Variants in FNDC3B observed in about 807,000 individuals in gnomAD.
FNDC3B encodes the protein fibronectin type III domain containing 3B, also known as fibronectin type III domain-containing protein 3B.
In FNDC3B, 12 loss-of-function variants were observed where a neutral mutation model predicts 151.5. The observed-to-expected ratio is 0.08, with a 90% CI of 0.05 to 0.13. FNDC3B has a LOEUF of 0.13. Among genes scored for constraint, FNDC3B ranks in the 10% least tolerant of loss-of-function variants. The pLI is 1.00. For missense variants in FNDC3B, 1,214 were observed against 1,505.3 expected, an observed-to-expected ratio of 0.81 and a Z score of 3.20; for synonymous variants, 528 against 549.0, an observed-to-expected ratio of 0.96 and a Z score of 0.54.
intron 1 of FNDC3B, among the ~76,000 whole-genome samples, chr3:172,049,843 T>A (rs1716555640): frequency 6.6e-6 from 1 of 152,208 alleles, no homozygotes; most frequent in African/African-American, 2.4e-5. Context: ...TTAAACATTT[T>A]ATTCATTCTT....
intron 22 of FNDC3B, among the ~76,000 whole-genome samples, chr3:172,353,925 T>C (rs1733971606): frequency 1.3e-5 from 2 of 150,020 alleles, no homozygotes; most frequent in South Asian, 4.2e-4. Context: ...AGATGGAAAT[T>C]GAATAGCTTT....
chr3:172,387,381 A>T (rs1460004387), intron 25 of FNDC3B, among the ~76,000 whole-genome samples: 2 of 151,606 alleles, frequency 1.3e-5, no homozygotes, highest in African/African-American at 4.9e-5. Flanking sequence ...TATAGGCGTG[A>T]GCCACCATGC....
intron 11 of FNDC3B, among the ~76,000 whole-genome samples, chr3:172,323,069 A>T (rs1277965164): frequency 6.6e-6 from 1 of 152,042 alleles, no homozygotes; most frequent in Non-Finnish European, 1.5e-5. Context: ...AAATGTATTT[A>T]AAATCTTTAA....
chr3:172,247,298 A>G (rs999244851), intron 4 of FNDC3B, among the ~76,000 whole-genome samples: 1 of 152,240 alleles, frequency 6.6e-6, no homozygotes. Flanking sequence ...AAAAAGTTAC[A>G]TGGGATCAGA....
intron 3 of FNDC3B, among the ~76,000 whole-genome samples, chr3:172,215,195 G>A (rs1477655575): frequency 1.3e-5 from 2 of 152,220 alleles, no homozygotes; most frequent in Non-Finnish European, 2.9e-5. Context: ...AATAGGAAAT[G>A]TGTATTTGCC....
rs551030248 is a variant in FNDC3B, at chr3:172,386,586, C to T, written c.3303+5493C>T. On this transcript the variant is annotated intron_variant, in intron 25 of 25. Coordinates refer to ENST00000415807, the MANE Select transcript of FNDC3B (RefSeq NM_022763.4). ...TGAAACCCTGTCTCTACTAAAAATA[C>T]AAAAAATTAGCCAGGCATGTTGGCA... Among the ~76,000 whole-genome samples, 4 of 151,888 alleles carry T rather than the reference C, an allele frequency of 2.6e-5. No individual in the cohort carries two copies. The South Asian group carries it at 8.3e-4, about 32-fold the overall frequency.
chr3:172,371,627 T>C (rs1734888121), intron 23 of FNDC3B, among the ~76,000 whole-genome samples: 1 of 152,228 alleles, frequency 6.6e-6, no homozygotes, highest in South Asian at 2.1e-4. Flanking sequence ...ATATTCTTAG[T>C]GTAGGAGAGC....
intron 2 of FNDC3B, among the ~76,000 whole-genome samples, chr3:172,123,691 A>G (rs1051658623): frequency 1.3e-5 from 2 of 152,228 alleles, no homozygotes; most frequent in Non-Finnish European, 2.9e-5. Context: ...TTTAGAACCC[A>G]TTTAAACTCT....
chr3:172,236,135 C>G (rs1727149602), intron 4 of FNDC3B, among the ~76,000 whole-genome samples: 1 of 152,182 alleles, frequency 6.6e-6, no homozygotes. Flanking sequence ...ATTTTAGTAT[C>G]GATTGAAACT....
At chr3:172,213,037 A>G (rs908441688) in intron 3 of FNDC3B, among the ~76,000 whole-genome samples, 2 of 152,098 alleles carry the variant, frequency 1.3e-5, no homozygotes, top group Non-Finnish European at 2.9e-5. Context: ...ACACCAATCC[A>G]TGAAATTATT....
chr3:172,214,791 A>T (rs924315362), intron 3 of FNDC3B, among the ~76,000 whole-genome samples: 3 of 152,204 alleles, frequency 2.0e-5, no homozygotes, highest in Admixed American at 1.3e-4. Context: ...CCACGTTAGG[A>T]TGTTGTCAAT....
At position 172,358,917 on chromosome 3, in the gene FNDC3B, A is replaced by C. The variant is rs374729372; in HGVS notation, c.2796-3716A>C. 5.0e-5 allele frequency among the ~76,000 whole-genome samples: 7 copies of C among 141,290 alleles called. No homozygotes were observed. In the East Asian group the frequency reaches 8.7e-4, roughly 18 times the overall value. 92.7% of individuals were successfully genotyped at this position (141,290 alleles called of 152,430 possible). A position where few individuals can be genotyped will look rare whatever the true frequency, so the allele number is the denominator to read the frequency against. ...GATGAGCAGGATTCCCAAAGAGGCTACACTGCTAAAGAGTGTTAAATGCTA... is the reference window on the plus strand; with the variant it reads ...GATGAGCAGGATTCCCAAAGAGGCTCCACTGCTAAAGAGTGTTAAATGCTA... On this transcript the variant is annotated intron_variant, in intron 22 of 25. Coordinates refer to ENST00000415807, the MANE Select transcript of FNDC3B (RefSeq NM_022763.4).
chr3:172,229,624 A>T (rs1049790214), intron 4 of FNDC3B, among the ~76,000 whole-genome samples: 6 of 152,172 alleles, frequency 3.9e-5, no homozygotes, highest in African/African-American at 1.4e-4. Flanking sequence ...TATAGTCATC[A>T]CCAAGAACTC....
chr3:172,179,218 T>C (rs929631379), intron 3 of FNDC3B, among the ~76,000 whole-genome samples: 10 of 145,830 alleles, frequency 6.9e-5, no homozygotes, highest in Admixed American at 2.7e-4. Flanking sequence ...CGCGCCACCA[T>C]GCCTGGCTAA....
At position 172,398,574 on chromosome 3, in the gene FNDC3B, TC is replaced by T. The variant is rs925996148; in HGVS notation, c.*1101del. On this transcript the variant is annotated 3_prime_UTR_variant, in exon 26 of 26. Transcript: ENST00000415807. ...AAAGAGAGTCATCTAAATTTGTAGT[TC>T]CTATTTCTGTGGGTTTGCCTGGCCA... The T allele has an allele frequency of 6.6e-6, 1 of 152,236 alleles. No individual in the cohort carries two copies. The highest frequency in any genetic ancestry group is 6.5e-5 in the Admixed American group (1 of 15,282). 9.4% of individuals were successfully genotyped at this position (152,236 alleles called of 1,614,324 possible). A position where few individuals can be genotyped will look rare whatever the true frequency, so the allele number is the denominator to read the frequency against.
At chr3:172,084,567 T>C (rs12635886) in intron 1 of FNDC3B, among the ~76,000 whole-genome samples, 97,174 of 151,650 alleles carry the variant, frequency 0.64, 31,295 homozygotes, top group East Asian at 0.78. Context: ...AATAGTGTTA[T>C]TATTTTCACT....
At chr3:172,346,520 C>A in intron 20 of FNDC3B, 80 bp downstream of exon 20, 11 of 791,506 alleles carry the variant, frequency 1.4e-5, no homozygotes, top group East Asian at 2.7e-5. Flanking sequence ...AAGGAAGCTG[C>A]AAATCCAAAA....
intron 3 of FNDC3B, among the ~76,000 whole-genome samples, chr3:172,145,290 G>A (rs3980306): frequency 0.49 from 74,255 of 151,962 alleles, 18,524 homozygotes; most frequent in East Asian, 0.58. Flanking sequence ...CATCAAGGGA[G>A]AAGTCTTTGG....
chr3:172,047,903 G>T (rs143571217), intron 1 of FNDC3B, among the ~76,000 whole-genome samples: 81 of 152,214 alleles, frequency 5.3e-4, no homozygotes, highest in African/African-American at 1.9e-3. Context: ...GGTGTTAAAG[G>T]TTTAAGAGCA....
Sources: allele counts gnomAD v4.1 joint callset (sites outside exome capture counted in the v4.1 genomes callset), GRCh38; gene constraint gnomAD v4.1.1; transcripts MANE v1.5; gene names NCBI Gene and HGNC (gene_info 2026-07-23, HGNC 2026-07-21).